The following QKI variants were observed in gnomAD, a reference collection of about 807,000 sequenced individuals.
QKI encodes the protein KH domain-containing RNA-binding protein QKI.
In QKI, 10 loss-of-function variants were observed where a neutral mutation model predicts 39.0. The ratio of observed to expected loss-of-function variants is 0.26; its 90% CI spans 0.16 to 0.43. The LOEUF (loss-of-function observed/expected upper bound fraction) is 0.43. Ranked by LOEUF, QKI falls within the 20% of genes least tolerant of loss-of-function variation. The probability of loss-of-function intolerance (pLI) is 1.00; values close to 1 mark genes in which losing one functional copy is unlikely to be tolerated. For synonymous variants in QKI, 204 were observed against 155.4 expected, an observed-to-expected ratio of 1.31 and a Z score of -2.33; for missense variants, 218 against 428.0, an observed-to-expected ratio of 0.51 and a Z score of 4.33.
intron 7 of QKI, chr6:163,568,827 T>A: frequency 1.0e-6 from 1 of 985,788 alleles, no homozygotes; most frequent in South Asian, 4.7e-5. Flanking sequence ...ATTTGAAGCC[T>A]ATTAGAGACC....
At chr6:163,544,785 C>T (rs559555412) in intron 4 of QKI, among the ~76,000 whole-genome samples, 3 of 152,142 alleles carry the variant, frequency 2.0e-5, no homozygotes, top group Admixed American at 1.3e-4. Context: ...GTGGATGCGT[C>T]TTTCAAAAAT....
At position 163,577,411 on chromosome 6, in the gene QKI, T is replaced by A. The variant is rs1777640598; in HGVS notation, c.*6701T>A. 1 of 151,394 alleles carries A rather than the reference T, an allele frequency of 6.6e-6. No homozygotes were observed. The highest frequency in any genetic ancestry group is 1.5e-5 in the Non-Finnish European group (1 of 67,796). The allele number at this position is 151,394 out of a possible 1,614,324, so 9.4% of individuals were successfully genotyped here. A position where few individuals can be genotyped will look rare whatever the true frequency, so the allele number is the denominator to read the frequency against. Reference sequence around the variant, plus strand: ...AACACTAGACTTAAAAAAAAAAAAGTCTGATTGCCCATATTAGATTTTTTT... The same window carrying A: ...AACACTAGACTTAAAAAAAAAAAAGACTGATTGCCCATATTAGATTTTTTT... On this transcript the variant is annotated 3_prime_UTR_variant, in exon 8 of 8. Coordinates refer to ENST00000361752, the MANE Select transcript of QKI (RefSeq NM_006775.3).
intron 2 of QKI, among the ~76,000 whole-genome samples, chr6:163,475,490 A>C (rs1792519584): frequency 6.6e-6 from 1 of 152,156 alleles, no homozygotes; most frequent in South Asian, 2.1e-4. Flanking sequence ...CGTTTTATAT[A>C]AGGGACTTGA....
intron 3 of QKI, among the ~76,000 whole-genome samples, chr6:163,498,410 T>C (rs1778542176): frequency 6.6e-6 from 1 of 152,168 alleles, no homozygotes. Context: ...TTTTATGTTT[T>C]GAGATAATTT....
At chr6:163,447,085 TAA>T (rs779588783) in intron 1 of QKI, among the ~76,000 whole-genome samples, 3 of 152,190 alleles carry the variant, frequency 2.0e-5, no homozygotes, top group Non-Finnish European at 4.4e-5. Context: ...TACCGTTTCT[TAA>T]AATGAATTTT....
intron 1 of QKI, chr6:163,416,214 C>G (rs1787479738): frequency 3.1e-6 from 1 of 324,560 alleles, no homozygotes; most frequent in Admixed American, 4.2e-5. Context: ...AAAATTGAGC[C>G]AAAGTTTCCA....
At chr6:163,466,076 G>A (rs1010041953) in intron 2 of QKI, among the ~76,000 whole-genome samples, 57 of 149,778 alleles carry the variant, frequency 3.8e-4, no homozygotes, top group Non-Finnish European at 6.1e-4. Flanking sequence ...GCAGTGAGCC[G>A]AGATCACATC....
At chr6:163,562,662 A>G (rs941066946) in intron 5 of QKI, among the ~76,000 whole-genome samples, 10 of 152,328 alleles carry the variant, frequency 6.6e-5, no homozygotes, top group African/African-American at 1.9e-4. Flanking sequence ...AAATGAAATA[A>G]TGTGAAATTT....
Position 163,414,959 on chromosome 6 carries a change from C to G in QKI, c.-235C>G, listed in dbSNP as rs1419388894. ...TGAGGGACGCGCCGAGCCGGGCGGC[C>G]GAGAGCGGCGGCGGCTGGGAGCGCG... On this transcript the variant is annotated 5_prime_UTR_variant, in exon 1 of 8. Transcript: ENST00000361752. The G allele has an allele frequency of 1.1e-5, 2 of 188,412 alleles. No homozygotes were observed. The highest frequency in any genetic ancestry group is 4.8e-5 in the African/African-American group (2 of 41,684). The allele number at this position is 188,412 out of a possible 1,614,324, so 11.7% of individuals were successfully genotyped here.
chr6:163,417,958 T>A (rs544938327), intron 1 of QKI, among the ~76,000 whole-genome samples: 1 of 152,280 alleles, frequency 6.6e-6, no homozygotes, highest in South Asian at 2.1e-4. Context: ...AAGAAAAATA[T>A]TGGTTTCTGA....
intron 3 of QKI, among the ~76,000 whole-genome samples, chr6:163,529,904 C>A (rs76918580): frequency 0.022 from 3,369 of 152,244 alleles, 42 homozygotes; most frequent in Non-Finnish European, 0.034. Context: ...GAGGTATGAA[C>A]CCCAGTTTGG....
chr6:163,569,364 G>C, intron 7 of QKI: 1 of 1,226,578 alleles, frequency 8.2e-7, no homozygotes, highest in Non-Finnish European at 1.0e-6. Flanking sequence ...CACCTTCTGG[G>C]CTTTGATTTA....
intron 3 of QKI, among the ~76,000 whole-genome samples, chr6:163,490,401 C>T (rs554170901): frequency 1.1e-4 from 16 of 152,152 alleles, no homozygotes; most frequent in Non-Finnish European, 2.2e-4. Context: ...TGAACTGATG[C>T]AGCGGAGATG....
chr6:163,544,040 T>C (rs1471222846), intron 4 of QKI, among the ~76,000 whole-genome samples: 1 of 152,026 alleles, frequency 6.6e-6, no homozygotes, highest in East Asian at 1.9e-4. Context: ...TAAAGCCCTT[T>C]TGGAAAATAA....
At chr6:163,473,355 A>G (rs1278469286) in intron 2 of QKI, among the ~76,000 whole-genome samples, 1 of 152,172 alleles carries the variant, frequency 6.6e-6, no homozygotes. Flanking sequence ...AAAGCAAGTC[A>G]CAATGCTAGC....
At chr6:163,540,872 A>G (rs1169545089) in intron 4 of QKI, among the ~76,000 whole-genome samples, 1 of 151,932 alleles carries the variant, frequency 6.6e-6, no homozygotes, top group Non-Finnish European at 1.5e-5. Context: ...GACTTCAAAT[A>G]TCTACTTTTT....
At chr6:163,440,652 T>A (rs542972708) in intron 1 of QKI, among the ~76,000 whole-genome samples, 1 of 152,218 alleles carries the variant, frequency 6.6e-6, no homozygotes, top group Admixed American at 6.5e-5. Flanking sequence ...TGTTATGAAG[T>A]ATGTTTAGAG....
intron 4 of QKI, among the ~76,000 whole-genome samples, chr6:163,544,714 G>A (rs1781760640): frequency 6.6e-6 from 1 of 152,026 alleles, no homozygotes; most frequent in South Asian, 2.1e-4. Context: ...CAAGCCATTA[G>A]GGTACAGTTT....
rs936352673 is a variant in QKI, at chr6:163,575,043, TAAAC to T, written c.*4338_*4341del. ...CATTGAGATGGTCATTTGGATCATG[TAAAC>T]AAACCGTGTCATGTCTCTGATGGGA... is the stretch of plus-strand genomic sequence containing the variant. On this transcript the variant is annotated 3_prime_UTR_variant, in exon 8 of 8. Transcript: ENST00000361752. The T allele has an allele frequency of 6.6e-6, 1 of 152,228 alleles. No individual in the cohort carries two copies. Among genetic ancestry groups the T allele is most frequent in the African/African-American group, 2.4e-5 (1 of 41,466 alleles). 9.4% of individuals were successfully genotyped at this position (152,228 alleles called of 1,614,324 possible).
Sources: allele counts gnomAD v4.1 joint callset (sites outside exome capture counted in the v4.1 genomes callset), GRCh38; gene constraint gnomAD v4.1.1; transcripts MANE v1.5; gene names NCBI Gene and HGNC (gene_info 2026-07-23, HGNC 2026-07-21).